Variants in MIDEAS observed in about 807,000 individuals in gnomAD.
The protein encoded by MIDEAS is mitotic deacetylase associated SANT domain protein.
In MIDEAS, 26 loss-of-function variants were observed where a neutral mutation model predicts 102.7. That is an observed-to-expected ratio of 0.25 (90% CI 0.19 to 0.35). The LOEUF is 0.35. Among genes scored for constraint, MIDEAS ranks in the 10% least tolerant of loss-of-function variants. MIDEAS has a pLI of 1.00. For missense variants in MIDEAS, 1,231 were observed against 1,435.6 expected, an observed-to-expected ratio of 0.86 and a Z score of 2.30; for synonymous variants, 585 against 591.0, an observed-to-expected ratio of 0.99 and a Z score of 0.15.
intron 1 of MIDEAS, among the ~76,000 whole-genome samples, chr14:73,783,452 G>C (rs1188164284): frequency 6.6e-6 from 1 of 152,200 alleles, no homozygotes; most frequent in East Asian, 1.9e-4. Context: ...CGAGGGTTAG[G>C]ACGGGAGAGG....
At chr14:73,769,914 G>GTT (rs79392378) in intron 1 of MIDEAS, among the ~76,000 whole-genome samples, 1 of 116,936 alleles carries the variant, frequency 8.6e-6, no homozygotes, top group Non-Finnish European at 1.7e-5. Context: ...TTTTTTTTTT[G>GTT]TTTTTTTTTT....
chr14:73,762,861 A>G (rs767390202), upstream of MIDEAS, among the ~76,000 whole-genome samples: 7 of 152,176 alleles, frequency 4.6e-5, no homozygotes, highest in Non-Finnish European at 8.8e-5. Context: ...GGAGTGTGAC[A>G]AGAGAGAAAC....
At chr14:73,750,076 T>C (rs901480208) in intron 1 of MIDEAS, among the ~76,000 whole-genome samples, 1 of 152,078 alleles carries the variant, frequency 6.6e-6, no homozygotes, top group African/African-American at 2.4e-5. Flanking sequence ...CTACAAAATA[T>C]CCAAAAGACA....
chr14:73,777,534 G>A (rs1044015300), intron 1 of MIDEAS, among the ~76,000 whole-genome samples: 3 of 150,940 alleles, frequency 2.0e-5, no homozygotes, highest in Non-Finnish European at 3.0e-5. Context: ...CCTCTCAGCC[G>A]TGCTCCACTG....
rs1364930830 is a variant in MIDEAS, at chr14:73,726,177, C to T, written c.2410-69G>A. 3.1e-5 allele frequency: 41 copies of T among 1,303,318 alleles called. No homozygotes were observed. In the Admixed American group the frequency reaches 7.7e-4, roughly 24 times the overall value. 80.7% of individuals were successfully genotyped at this position (1,303,318 alleles called of 1,614,324 possible). ...TCGGTGGTGGACGGAGCATTCTAGG[C>T]CCTGATAAAATCCCGAGTAGGGTGG... On this transcript the variant is annotated intron_variant, in intron 7 of 12. Transcript: ENST00000423556.
chr14:73,734,854 G>C (rs547630455), intron 3 of MIDEAS, among the ~76,000 whole-genome samples: 1 of 152,260 alleles, frequency 6.6e-6, no homozygotes, highest in South Asian at 2.1e-4. Context: ...GAAGAATGCT[G>C]GGGTAATCAT....
intron 3 of MIDEAS, among the ~76,000 whole-genome samples, chr14:73,735,361 T>A (rs1412391391): frequency 6.6e-6 from 1 of 152,228 alleles, no homozygotes; most frequent in Non-Finnish European, 1.5e-5. Context: ...CTTTTTATGT[T>A]AATTTTATTT....
intron 1 of MIDEAS, among the ~76,000 whole-genome samples, chr14:73,757,476 T>G (rs923671313): frequency 2.0e-5 from 3 of 152,156 alleles, no homozygotes; most frequent in Non-Finnish European, 4.4e-5. Flanking sequence ...ACCACCACAC[T>G]GCAGTATGTA....
intron 1 of MIDEAS, among the ~76,000 whole-genome samples, chr14:73,741,413 T>C (rs904249004): frequency 2.6e-5 from 4 of 152,154 alleles, no homozygotes; most frequent in Non-Finnish European, 5.9e-5. Flanking sequence ...AGCCCACCTC[T>C]TTCCCCAGTA....
chr14:73,736,113 T>C (rs2053197154), intron 3 of MIDEAS, among the ~76,000 whole-genome samples: 1 of 151,682 alleles, frequency 6.6e-6, no homozygotes. Context: ...ATCTCGCCAT[T>C]GCACTCCAGC....
chr14:73,775,570 C>A (rs185874884), intron 1 of MIDEAS, among the ~76,000 whole-genome samples: 80 of 152,216 alleles, frequency 5.3e-4, no homozygotes, highest in African/African-American at 1.9e-3. Context: ...CGCTTCCAGT[C>A]CAGAGCCCAG....
chr14:73,756,285 T>TGCGC (rs1187224690), intron 1 of MIDEAS, among the ~76,000 whole-genome samples: 4 of 97,172 alleles, frequency 4.1e-5, no homozygotes, highest in African/African-American at 1.6e-4. Flanking sequence ...TGTGTGTGTG[T>TGCGC]GTGTGTGTGT....
chr14:73,790,083 A>C (rs1288059026), upstream of MIDEAS: 3 of 152,342 alleles, frequency 2.0e-5, no homozygotes, highest in African/African-American at 7.2e-5. Flanking sequence ...TTGAAGAGCA[A>C]GTCGTGGACT....
intron 1 of MIDEAS, among the ~76,000 whole-genome samples, chr14:73,780,346 A>G (rs938456298): frequency 2.0e-5 from 3 of 152,054 alleles, no homozygotes; most frequent in African/African-American, 7.2e-5. Flanking sequence ...TTCTTCCACC[A>G]TCTCTCCATG....
chr14:73,784,592 G>A (rs923568600), intron 1 of MIDEAS, among the ~76,000 whole-genome samples: 1 of 152,156 alleles, frequency 6.6e-6, no homozygotes, highest in Non-Finnish European at 1.5e-5. Context: ...GGGATCAGAA[G>A]GGAACGATCC....
intron 1 of MIDEAS, among the ~76,000 whole-genome samples, chr14:73,740,489 C>G (rs2053269145): frequency 6.6e-6 from 1 of 152,220 alleles, no homozygotes; most frequent in African/African-American, 2.4e-5. Flanking sequence ...ACTCTCTTGT[C>G]CCACCACCTC....
chr14:73,715,780 G>C lies in MIDEAS; in HGVS notation c.*3063C>G, dbSNP rs1358817067. 6.6e-6 allele frequency: 1 copy of C among 152,626 alleles called. No homozygotes were observed. Among genetic ancestry groups the C allele is most frequent in the Non-Finnish European group, 1.5e-5 (1 of 68,062 alleles). The allele number at this position is 152,626 out of a possible 1,614,324, so 9.5% of individuals were successfully genotyped here. Reference sequence around the variant, plus strand: ...CTGGCACATGAGAAGAAAGAGGTTAGGTCACTGAGGCAGTTAAATATAGGT... The same window carrying C: ...CTGGCACATGAGAAGAAAGAGGTTACGTCACTGAGGCAGTTAAATATAGGT... On this transcript the variant is annotated 3_prime_UTR_variant, in exon 13 of 13. Transcript: ENST00000423556.
intron 1 of MIDEAS, among the ~76,000 whole-genome samples, chr14:73,744,903 A>G (rs1242321390): frequency 6.6e-6 from 1 of 152,156 alleles, no homozygotes; most frequent in African/African-American, 2.4e-5. Context: ...ACAAGCCCCT[A>G]TAACACACTG....
intron 1 of MIDEAS, among the ~76,000 whole-genome samples, chr14:73,775,656 C>T (rs2053682437): frequency 6.6e-6 from 1 of 152,096 alleles, no homozygotes; most frequent in Non-Finnish European, 1.5e-5. Flanking sequence ...TGGCATAAAA[C>T]AGCCAGTAAG....
Sources: gnomAD v4.1 joint callset for allele counts (sites outside exome capture counted in the v4.1 genomes callset) on GRCh38, gnomAD v4.1.1 for gene constraint, MANE v1.5 for transcripts, NCBI Gene and HGNC (gene_info 2026-07-23, HGNC 2026-07-21) for gene names.